The following PCDHA1 variants were observed in gnomAD, a reference collection of about 807,000 sequenced individuals.
The protein encoded by PCDHA1 is protocadherin alpha 1, also known as protocadherin alpha-1.
PCDHA1 carries 42 observed loss-of-function variants against 61.3 expected under a neutral mutation model. The ratio of observed to expected loss-of-function variants is 0.69; its 90% CI spans 0.54 to 0.89. PCDHA1 has a LOEUF of 0.89. Ranked by LOEUF, PCDHA1 falls within the 40% of genes least tolerant of loss-of-function variation. The pLI is 0.00. For missense variants in PCDHA1, 1,256 were observed against 1,235.3 expected (o/e 1.02, Z -0.25); for synonymous variants, 610 against 553.8 (o/e 1.10, Z -1.43).
At chr5:140,983,882 A>G (rs1203287819) in intron 3 of PCDHA1, among the ~76,000 whole-genome samples, 2 of 152,224 alleles carry the variant, frequency 1.3e-5, no homozygotes, top group East Asian at 3.8e-4. Flanking sequence ...TTTACTGGCA[A>G]CTTTAAGGGC....
intron 1 of PCDHA1, among the ~76,000 whole-genome samples, chr5:140,846,743 T>C (rs1359038647): frequency 1.3e-5 from 2 of 149,312 alleles, no homozygotes; most frequent in Admixed American, 6.7e-5. Context: ...ATAGGACCCT[T>C]ACAGATCTCT....
intron 1 of PCDHA1, chr5:140,812,592 T>G (rs2126640143): frequency 6.6e-6 from 1 of 152,258 alleles, no homozygotes; most frequent in African/African-American, 2.4e-5. Context: ...CTTTCTTCAT[T>G]TTTAGTGTAG....
At position 140,801,049 on chromosome 5, in the gene PCDHA1, CAG is replaced by C. The variant is rs1449713728; in HGVS notation, c.2394+12366_2394+12367del. The stretch of plus-strand genomic sequence containing the variant: ...AGGTCTTTCTCCACAAAAGAAATAA[CAG>C]CGTGCATTACGTATTCAGATACTGC... On this transcript the variant is annotated intron_variant, in intron 1 of 3. Transcript: ENST00000504120. 4.2e-6 allele frequency: 6 copies of C among 1,438,438 alleles called. No individual in the cohort carries two copies. The African/African-American group carries it at 8.6e-5, about 21-fold the overall frequency. 89.1% of individuals were successfully genotyped at this position (1,438,438 alleles called of 1,614,324 possible).
intron 1 of PCDHA1, among the ~76,000 whole-genome samples, chr5:140,896,526 A>G (rs1554186988): frequency 6.9e-6 from 1 of 144,852 alleles, no homozygotes; most frequent in African/African-American, 2.5e-5. Context: ...CACAAAGCCC[A>G]GCTATTTTTC....
intron 1 of PCDHA1, among the ~76,000 whole-genome samples, chr5:140,974,838 A>G (rs1554236389): frequency 6.6e-6 from 1 of 152,134 alleles, no homozygotes; most frequent in Admixed American, 6.5e-5. Context: ...ATTATTTTAA[A>G]TGTTATATTC....
intron 3 of PCDHA1, among the ~76,000 whole-genome samples, chr5:140,997,684 G>A (rs2097780776): frequency 6.6e-6 from 1 of 152,116 alleles, no homozygotes; most frequent in African/African-American, 2.4e-5. Context: ...GTGTGTGTGT[G>A]TGTGTGTGTG....
chr5:140,857,913 G>A (rs559667430), intron 1 of PCDHA1: 1 of 1,597,802 alleles, frequency 6.3e-7, no homozygotes, highest in East Asian at 2.2e-5. Context: ...ATCCCGTTTC[G>A]CGTGGGGCTG....
At chr5:140,841,071 T>G (rs2150310852) in intron 1 of PCDHA1, 1 of 492,430 alleles carries the variant, frequency 2.0e-6, no homozygotes, top group Non-Finnish European at 3.5e-6. Context: ...GATAAAGAAA[T>G]AGAAAGTGCA....
chr5:140,985,346 A>G (rs2097147411), intron 3 of PCDHA1, among the ~76,000 whole-genome samples: 1 of 152,186 alleles, frequency 6.6e-6, no homozygotes, highest in African/African-American at 2.4e-5. Flanking sequence ...GCAGGCCCAG[A>G]TATAGACCCT....
chr5:140,898,506 G>A (rs1185053384), intron 1 of PCDHA1, among the ~76,000 whole-genome samples: 2 of 152,132 alleles, frequency 1.3e-5, no homozygotes, highest in Admixed American at 1.3e-4. Context: ...TTGTAGATAT[G>A]CGGCGTTATT....
intron 3 of PCDHA1, among the ~76,000 whole-genome samples, chr5:141,000,361 GTCTCTCTCTCTCTC>G (rs148596731): frequency 5.7e-4 from 15 of 26,444 alleles, no homozygotes; most frequent in African/African-American, 2.0e-3. Context: ...GTCTCTCTCT[GTCTCTCTCTCTCTC>G]TCTCTCTCTC....
intron 1 of PCDHA1, chr5:140,823,918 C>A (rs2150130330): frequency 1.9e-6 from 3 of 1,614,018 alleles, no homozygotes; most frequent in Non-Finnish European, 2.5e-6. Flanking sequence ...GCTCACGCTG[C>A]TGCTGTACAC....
intron 1 of PCDHA1, chr5:140,801,339 A>T: frequency 6.2e-7 from 1 of 1,613,296 alleles, no homozygotes; most frequent in Non-Finnish European, 8.5e-7. Context: ...CGTGGGCCGC[A>T]TCGCGCAGGA....
intron 1 of PCDHA1, among the ~76,000 whole-genome samples, chr5:140,970,416 G>A (rs536181177): frequency 2.4e-4 from 36 of 152,326 alleles, no homozygotes; most frequent in African/African-American, 8.2e-4. Context: ...CTACAGTAAG[G>A]TGTAGAGGCA....
chr5:140,856,229 C>CG (rs2043871917), intron 1 of PCDHA1: 1 of 1,597,818 alleles, frequency 6.3e-7, no homozygotes, highest in Non-Finnish European at 8.6e-7. Context: ...GCTGGTGCAG[C>CG]GCCTGTTCCG....
intron 1 of PCDHA1, chr5:140,864,535 C>G (rs535465437): frequency 1.3e-5 from 2 of 152,242 alleles, no homozygotes; most frequent in South Asian, 2.1e-4. Flanking sequence ...TAATTTTTGT[C>G]TTCAATCTTC....
At chr5:140,846,407 C>G (rs1780453482) in intron 1 of PCDHA1, among the ~76,000 whole-genome samples, 4 of 124,998 alleles carry the variant, frequency 3.2e-5, no homozygotes, top group Admixed American at 1.8e-4. Context: ...CGGAGTCTCG[C>G]TCTATCTCCC....
intron 1 of PCDHA1, among the ~76,000 whole-genome samples, chr5:140,938,353 C>G (rs2092034112): frequency 6.6e-6 from 1 of 152,138 alleles, no homozygotes; most frequent in Admixed American, 6.5e-5. Flanking sequence ...TGTCTTATTC[C>G]TGGTCTCAGA....
intron 1 of PCDHA1, among the ~76,000 whole-genome samples, chr5:140,915,554 G>A (rs1276502641): frequency 6.6e-6 from 1 of 152,036 alleles, no homozygotes; most frequent in Non-Finnish European, 1.5e-5. Context: ...ATAAGATCCA[G>A]AATGATTATC....
Sources: gnomAD v4.1 joint callset for allele counts (sites outside exome capture counted in the v4.1 genomes callset) on GRCh38, gnomAD v4.1.1 for gene constraint, MANE v1.5 for transcripts, NCBI Gene and HGNC (gene_info 2026-07-23, HGNC 2026-07-21) for gene names.